Variants in TOR1AIP2 observed in about 807,000 individuals in gnomAD.
TOR1AIP2 encodes torsin-1A-interacting protein 2.
In TOR1AIP2, 20 loss-of-function variants were observed where a neutral mutation model predicts 32.6. The observed-to-expected ratio is 0.61, with a 90% CI of 0.43 to 0.89. The LOEUF (loss-of-function observed/expected upper bound fraction) is 0.89. TOR1AIP2 is among the 40% of genes least tolerant of loss of function. The pLI, the probability that TOR1AIP2 is intolerant of heterozygous loss-of-function variation, is 0.00. For missense variants in TOR1AIP2, 456 were observed against 553.8 expected (o/e 0.82, Z 1.77); for synonymous variants, 214 against 210.8 (o/e 1.02, Z -0.13).
chr1:179,859,050 T>C, intron 3 of TOR1AIP2: 1 of 983,180 alleles, frequency 1.0e-6, no homozygotes. Context: ...TATATATCTT[T>C]ATTTTTAAAC....
Position 179,841,364 on chromosome 1 carries a change from T to C in TOR1AIP2, c.*4707A>G, listed in dbSNP as rs534936413. 1 of 152,338 alleles carries C rather than the reference T, an allele frequency of 6.6e-6. No individual in the cohort carries two copies. The highest frequency in any genetic ancestry group is 6.5e-5 in the Admixed American group (1 of 15,308). The allele number at this position is 152,338 out of a possible 1,614,324, so 9.4% of individuals were successfully genotyped here. A position where few individuals can be genotyped will look rare whatever the true frequency, so the allele number is the denominator to read the frequency against. On this transcript the variant is annotated 3_prime_UTR_variant, in exon 7 of 7. Coordinates refer to ENST00000609928, the MANE Select transcript of TOR1AIP2 (RefSeq NM_001199260.2). Reference sequence around the variant, plus strand: ...CAACTTGAAAAACACAAGAAGACAATGCTCCTATAAAATGATATATTATTG... The same window carrying C: ...CAACTTGAAAAACACAAGAAGACAACGCTCCTATAAAATGATATATTATTG...
rs1695886607 is a variant in TOR1AIP2 at position 179,845,965 on chromosome 1, C to CTAT, written c.*103_*105dup. The CTAT allele has an allele frequency of 2.0e-6, 2 of 995,936 alleles. No individual in the cohort carries two copies. The highest frequency in any genetic ancestry group is 2.9e-6 in the Non-Finnish European group (2 of 683,710). 61.7% of individuals were successfully genotyped at this position (995,936 alleles called of 1,614,324 possible). On this transcript the variant is annotated 3_prime_UTR_variant, in exon 7 of 7. Coordinates refer to ENST00000609928, the MANE Select transcript of TOR1AIP2 (RefSeq NM_001199260.2). Reference sequence around the variant, plus strand: ...AATAAGCTCATCTTTGTTTTTCAGGCTATTTCCTCAAGCTATTTTATCAAC... The same window carrying CTAT: ...AATAAGCTCATCTTTGTTTTTCAGGCTATTATTTCCTCAAGCTATTTTATCAAC...
In TOR1AIP2 at chr1:179,850,835, G is replaced by A. The variant is rs749508191; in HGVS notation, c.553+10C>T. ...ACAAAACAGGAGAGTAGTTCAGGGGGTTCTCTTACCTGGGGCCAGCAGTCG... is the reference window on the plus strand; with the variant it reads ...ACAAAACAGGAGAGTAGTTCAGGGGATTCTCTTACCTGGGGCCAGCAGTCG... On this transcript the variant is annotated intron_variant, in intron 5 of 6. Transcript: ENST00000609928. The A allele has an allele frequency of 1.2e-6, 2 of 1,610,882 alleles. No individual in the cohort carries two copies. Among genetic ancestry groups the A allele is most frequent in the South Asian group, 1.1e-5 (1 of 90,758 alleles).
intron 5 of TOR1AIP2, 138 bp downstream of exon 5, chr1:179,850,707 G>T: frequency 9.8e-7 from 1 of 1,019,140 alleles, no homozygotes; most frequent in Non-Finnish European, 1.4e-6. Flanking sequence ...GGCTTGGTGT[G>T]AGCTTGGGCA....
chr1:179,871,249 C>T (rs1697000311), intron 2 of TOR1AIP2, among the ~76,000 whole-genome samples: 1 of 152,152 alleles, frequency 6.6e-6, no homozygotes, highest in Non-Finnish European at 1.5e-5. Flanking sequence ...CTCTACTGCA[C>T]AAATGCTATA....
chr1:179,862,698 C>A, intron 3 of TOR1AIP2: 2 of 965,854 alleles, frequency 2.1e-6, no homozygotes, highest in South Asian at 4.8e-5. Flanking sequence ...GAGGTCAGGG[C>A]AGGTGGATCA....
intron 3 of TOR1AIP2, chr1:179,860,655 A>G (rs1696486705): frequency 7.1e-6 from 7 of 984,850 alleles, no homozygotes; most frequent in Non-Finnish European, 8.4e-6. Context: ...TTATTACACA[A>G]CCTTTTTCAC....
Position 179,877,271 on chromosome 1 carries a change from T to G in TOR1AIP2, c.-598A>C, listed in dbSNP as rs1424404160. 1 of 152,366 alleles carries G rather than the reference T, an allele frequency of 6.6e-6. No homozygotes were observed. Among genetic ancestry groups the G allele is most frequent in the Non-Finnish European group, 1.5e-5 (1 of 68,198 alleles). The allele number at this position is 152,366 out of a possible 1,614,324, so 9.4% of individuals were successfully genotyped here. A position where few individuals can be genotyped will look rare whatever the true frequency, so the allele number is the denominator to read the frequency against. On this transcript the variant is annotated 5_prime_UTR_variant, in exon 2 of 7. Transcript: ENST00000609928. The stretch of plus-strand genomic sequence containing the variant: ...ACTGTTTGAGTGAGGCCAGGCGTGG[T>G]GGCTCACGCCTGTAATCCCAGCACT...
chr1:179,859,457 C>T (rs1001273078), intron 3 of TOR1AIP2: 2 of 985,312 alleles, frequency 2.0e-6, no homozygotes, highest in African/African-American at 3.5e-5. Flanking sequence ...AAGCATACCA[C>T]AAGCACCCTG....
intron 2 of TOR1AIP2, among the ~76,000 whole-genome samples, chr1:179,867,192 A>C (rs1207043438): frequency 1.3e-5 from 2 of 152,234 alleles, no homozygotes; most frequent in Non-Finnish European, 2.9e-5. Flanking sequence ...TGATAGTGCT[A>C]CGACAACATG....
rs1249302795 is a variant in TOR1AIP2, at chr1:179,855,036, G to A, written c.-146-2225C>T. ...AATAATGAATTAGTGAATAAATAGC[G>A]TGGGGACAACTGACTATTCAAATAG... On this transcript the variant is annotated intron_variant, in intron 3 of 6. Transcript: ENST00000609928. Among the ~76,000 whole-genome samples the A allele has an allele frequency of 2.6e-5, 4 of 152,268 alleles. No individual in the cohort carries two copies. In the South Asian group the frequency reaches 6.2e-4, roughly 24 times the overall value.
At chr1:179,864,776 A>C in intron 3 of TOR1AIP2, 1 of 1,585,874 alleles carries the variant, frequency 6.3e-7, no homozygotes, top group Middle Eastern at 1.7e-4. Flanking sequence ...TGACTATTAT[A>C]GAAGCTATTT....
At chr1:179,872,602 G>GT (rs1270164712) in intron 2 of TOR1AIP2, among the ~76,000 whole-genome samples, 1 of 152,174 alleles carries the variant, frequency 6.6e-6, no homozygotes, top group Non-Finnish European at 1.5e-5. Context: ...TTAGGGAATT[G>GT]TTTTTTACAC....
chr1:179,871,149 AG>A (rs954361373), intron 2 of TOR1AIP2, among the ~76,000 whole-genome samples: 1 of 152,244 alleles, frequency 6.6e-6, no homozygotes, highest in Non-Finnish European at 1.5e-5. Context: ...CAGGAAATTT[AG>A]GGAGGCCCAC....
chr1:179,847,508 C>T, intron 6 of TOR1AIP2, 27 bp downstream of exon 6: 1 of 1,451,074 alleles, frequency 6.9e-7, no homozygotes. Flanking sequence ...TGAATCAACA[C>T]TGCAGTAAAA....
intron 3 of TOR1AIP2, among the ~76,000 whole-genome samples, chr1:179,854,446 G>T (rs370508673): frequency 2.6e-5 from 4 of 152,230 alleles, no homozygotes; most frequent in Middle Eastern, 3.4e-3. Flanking sequence ...CAAGTTTTTT[G>T]ATTATTGTTG....
intron 3 of TOR1AIP2, among the ~76,000 whole-genome samples, chr1:179,854,598 G>A (rs1193845979): frequency 2.6e-5 from 4 of 152,152 alleles, no homozygotes; most frequent in African/African-American, 7.2e-5. Context: ...GGGTGGGCAC[G>A]GTGGCTCATG....
intron 2 of TOR1AIP2, chr1:179,873,775 A>G (rs1331603539): frequency 6.6e-6 from 1 of 152,206 alleles, no homozygotes; most frequent in Non-Finnish European, 1.5e-5. Flanking sequence ...CAATATCAGT[A>G]TGAACTCATT....
At chr1:179,861,957 C>G in intron 3 of TOR1AIP2, 1 of 981,546 alleles carries the variant, frequency 1.0e-6, no homozygotes, top group Non-Finnish European at 1.2e-6. Context: ...GCCTCAACCT[C>G]TGAAGTAGCT....
Sources: gnomAD v4.1 joint callset for allele counts (sites outside exome capture counted in the v4.1 genomes callset) on GRCh38, gnomAD v4.1.1 for gene constraint, MANE v1.5 for transcripts, NCBI Gene and HGNC (gene_info 2026-07-23, HGNC 2026-07-21) for gene names.